ENTPD2: variants seen among roughly 807,000 people sequenced by gnomAD.
ENTPD2 encodes the protein ectonucleoside triphosphate diphosphohydrolase 2.
ENTPD2 carries 48 observed loss-of-function variants against 46.8 expected under a neutral mutation model. That is an observed-to-expected ratio of 1.03 (90% CI 0.81 to 1.30). The LOEUF (loss-of-function observed/expected upper bound fraction) is 1.30. Among genes scored for constraint, ENTPD2 ranks in the 50% most tolerant of loss-of-function variants. The pLI is 0.00. For missense variants in ENTPD2, 707 were observed against 651.1 expected, an observed-to-expected ratio of 1.09 and a Z score of -0.93; for synonymous variants, 316 against 286.1, an observed-to-expected ratio of 1.10 and a Z score of -1.06.
Position 137,048,193 on chromosome 9 carries a change from G to A in ENTPD2, c.*464C>T, listed in dbSNP as rs567331978. 14 of 162,204 alleles carry A rather than the reference G, an allele frequency of 8.6e-5. No individual in the cohort carries two copies. The highest frequency in any genetic ancestry group is 6.5e-4 in the Admixed American group (11 of 16,800). 10.0% of individuals were successfully genotyped at this position (162,204 alleles called of 1,614,324 possible). On this transcript the variant is annotated 3_prime_UTR_variant, in exon 9 of 9. Transcript: ENST00000355097. ...GTGGGCTGTGACCCTCCCCAGTACA[G>A]ACCCAGACTACACAGAAGGAGCCTC...
rs1832253555 is a variant in ENTPD2, at chr9:137,050,379, C to T, written c.934G>A (p.Asp312Asn). Residue 312 changes from aspartate to asparagine, a missense_variant, in exon 6 of 9, where the codon GAT becomes AAT. By Grantham distance (23) the Asp-to-Asn change is conservative. Transcript: ENST00000355097. ...SGSSDPHLCR[D>N]LVSGLFSFSS... The stretch of plus-strand genomic sequence containing the variant: ...AAGCTGAAGAGCCCAGAAACCAGAT[C>T]TCGGCAGAGGTGGGGGTCACTGCTC... 1 of 1,612,966 alleles carries T rather than the reference C, an allele frequency of 6.2e-7. No individual in the cohort carries two copies. The highest frequency in any genetic ancestry group is 1.3e-5 in the African/African-American group (1 of 75,000).
At chr9:137,049,342 G>A (rs1832212904) in intron 7 of ENTPD2, 6 of 685,636 alleles carry the variant, frequency 8.8e-6, no homozygotes, top group Non-Finnish European at 2.6e-6. Context: ...CAGGGAGCAG[G>A]AGGCAGCAAC....
In ENTPD2 at chr9:137,051,562, GTC is replaced by G; in HGVS notation, c.332_333del (p.Arg111ThrfsTer42). On this transcript the variant is annotated frameshift_variant, in exon 3 of 9. Transcript: ENST00000355097. LOFTEE classifies it high-confidence loss of function. ...CCCAGGTAGAGGGGTGTGCCCGCGT[GTC>G]TCTCTTTGGGCACATCCTGAAGCGC... ...EQALQDVPKE[R>X]HAGTPLYLGA... 2 of 1,612,556 alleles carry G rather than the reference GTC, an allele frequency of 1.2e-6. No homozygotes were observed. The highest frequency in any genetic ancestry group is 1.7e-6 in the Non-Finnish European group (2 of 1,179,812).
rs557002789 is a variant in ENTPD2, at chr9:137,051,737, G to A, written c.236-77C>T. Reference sequence around the variant, plus strand: ...GGCCGTAGGCCAGGAGAGTGAGGGTGGGGGTGGGGGCCGTGGGCTCCCAGA... The same window carrying A: ...GGCCGTAGGCCAGGAGAGTGAGGGTAGGGGTGGGGGCCGTGGGCTCCCAGA... On this transcript the variant is annotated intron_variant, in intron 2 of 8. Transcript: ENST00000355097. 34 of 1,483,246 alleles carry A rather than the reference G, an allele frequency of 2.3e-5. No individual in the cohort carries two copies. The African/African-American group carries it at 4.2e-4, about 18-fold the overall frequency. The allele number at this position is 1,483,246 out of a possible 1,614,324, so 91.9% of individuals were successfully genotyped here. A position where few individuals can be genotyped will look rare whatever the true frequency, so the allele number is the denominator to read the frequency against.
At chr9:137,052,380 G>T (rs773897122) in intron 1 of ENTPD2, 32 bp from the exon 2 acceptor site, 3 of 1,419,904 alleles carry the variant, frequency 2.1e-6, no homozygotes, top group Non-Finnish European at 3.0e-6. Context: ...TCAGCCTGGG[G>T]TGTCCGGGGG....
At position 137,048,426 on chromosome 9, in the gene ENTPD2, C is replaced by T. The variant is rs1832180330; in HGVS notation, c.*231G>A. 1 of 489,914 alleles carries T rather than the reference C, an allele frequency of 2.0e-6. No individual in the cohort carries two copies. The highest frequency in any genetic ancestry group is 2.6e-5 in the South Asian group (1 of 38,740). The allele number at this position is 489,914 out of a possible 1,614,324, so 30.3% of individuals were successfully genotyped here. A position where few individuals can be genotyped will look rare whatever the true frequency, so the allele number is the denominator to read the frequency against. On this transcript the variant is annotated 3_prime_UTR_variant, in exon 9 of 9. Coordinates refer to ENST00000355097, the MANE Select transcript of ENTPD2 (RefSeq NM_203468.3). ...TCCTGGGCTGCCTTAGGGGCAGAGA[C>T]GCTGAGGGTGGGGTGGAAGGATGGA...
At position 137,050,977 on chromosome 9, in the gene ENTPD2, G is replaced by T. The variant is rs761081418; in HGVS notation, c.699C>A (p.Tyr233Ter). Residue 233 changes from tyrosine (Y) to a stop codon, truncating the protein, a stop_gained, in exon 5 of 9, where the codon TAC becomes TAA. Coordinates refer to ENST00000355097, the MANE Select transcript of ENTPD2 (RefSeq NM_203468.3). LOFTEE classifies it high-confidence loss of function. ...AGAGGAAGCTGTGGGTGTAGACTCG[G>T]TAGTGCTGGCCGTAGAGATGCAGCT... ...EVQLHLYGQH[Y>*]RVYTHSFLCY... 6.2e-7 allele frequency: 1 copy of T among 1,608,716 alleles called. No individual in the cohort carries two copies. The highest frequency in any genetic ancestry group is 2.2e-5 in the East Asian group (1 of 44,732).
In ENTPD2 at chr9:137,048,937, C is replaced by A; in HGVS notation, c.1284+4G>T. 6.6e-7 allele frequency: 1 copy of A among 1,525,010 alleles called. No homozygotes were observed. Among genetic ancestry groups the A allele is most frequent in the Non-Finnish European group, 8.8e-7 (1 of 1,139,134 alleles). The allele number at this position is 1,525,010 out of a possible 1,614,324, so 94.5% of individuals were successfully genotyped here. On this transcript the variant is annotated splice_donor_region_variant and intron_variant, in intron 8 of 8. Coordinates refer to ENST00000355097, the MANE Select transcript of ENTPD2 (RefSeq NM_203468.3). ...CGGCCCCGCCCCGCCCCGCCCCAGC[C>A]CACCTTCTTCTGGAAGATCACGCCG...
intron 1 of ENTPD2, 100 bp from the exon 2 acceptor site, chr9:137,052,448 C>CG (rs1180839224): frequency 1.1e-5 from 10 of 886,966 alleles, no homozygotes; most frequent in East Asian, 1.1e-4. Context: ...CACCGCTCCC[C>CG]CCCCCACCCA....
At position 137,049,871 on chromosome 9, in the gene ENTPD2, T is replaced by C. The variant is rs1332877426; in HGVS notation, c.1148A>G (p.Gln383Arg). ...AVNVCNQTWA[Q>R]LQARVPGQRA... ...TGAAGGAGTGGGAGCGGGGCTCACCTGAGCCCAGGTCTGGTTGCAGACATT... is the reference window on the plus strand; with the variant it reads ...TGAAGGAGTGGGAGCGGGGCTCACCCGAGCCCAGGTCTGGTTGCAGACATT... The change falls in exon 7 of 9, where the codon CAG (glutamine) becomes CGG (arginine). Residue 383 changes from glutamine (Q) to arginine (R), a missense_variant and splice_region_variant. Coordinates refer to ENST00000355097, the MANE Select transcript of ENTPD2 (RefSeq NM_203468.3). The C allele has an allele frequency of 1.9e-6, 3 of 1,610,050 alleles. No individual in the cohort carries two copies. Among genetic ancestry groups the C allele is most frequent in the African/African-American group, 1.3e-5 (1 of 75,006 alleles).
Position 137,053,884 on chromosome 9 carries a change from G to C in ENTPD2, c.114C>G (p.Leu38=). Residue 38 remains leucine, a synonymous_variant, in exon 1 of 9, where the codon CTC becomes CTG. Transcript: ENST00000355097. ...PTRDVREPPA[L]KYGIVLDAGS... ...CGCTGGGTGCCCGGGCGCGCACCTTGAGGGCGGGCGGCTCCCGGACGTCGC... is the reference window on the plus strand; with the variant it reads ...CGCTGGGTGCCCGGGCGCGCACCTTCAGGGCGGGCGGCTCCCGGACGTCGC... 8.2e-7 allele frequency: 1 copy of C among 1,224,700 alleles called. No individual in the cohort carries two copies. Among genetic ancestry groups the C allele is most frequent in the African/African-American group, 1.6e-5 (1 of 64,066 alleles). The allele number at this position is 1,224,700 out of a possible 1,614,324, so 75.9% of individuals were successfully genotyped here. A position where few individuals can be genotyped will look rare whatever the true frequency, so the allele number is the denominator to read the frequency against.
chr9:137,052,290 G>A lies in ENTPD2; in HGVS notation c.176C>T (p.Pro59Leu), dbSNP rs377158813. 3.9e-5 allele frequency: 63 copies of A among 1,612,448 alleles called. No homozygotes were observed. Among genetic ancestry groups the A allele is most frequent in the African/African-American group, 2.5e-4 (19 of 74,792 alleles). ...GCCTGTGTCGTTCTCCTTGTCTGCC[G>A]GCCACTTGTAGATAAACATGGACGT... is the stretch of plus-strand genomic sequence containing the variant. ...SHTSMFIYKW[P>L]ADKENDTGIV... Residue 59 changes from proline to leucine, a missense_variant, in exon 2 of 9, where the codon CCG (proline) becomes CTG (leucine). Pro to Leu is a moderately conservative substitution (Grantham distance 98). Coordinates refer to ENST00000355097, the MANE Select transcript of ENTPD2 (RefSeq NM_203468.3).
intron 6 of ENTPD2, 29 bp from the exon 7 acceptor site, chr9:137,050,018 G>C: frequency 6.3e-7 from 1 of 1,598,852 alleles, no homozygotes; most frequent in Non-Finnish European, 8.5e-7. Flanking sequence ...CACTGTGACC[G>C]AACCCCAGCG....
intron 8 of ENTPD2, 21 bp downstream of exon 8, chr9:137,048,920 C>A: frequency 6.7e-7 from 1 of 1,497,056 alleles, no homozygotes; most frequent in Non-Finnish European, 8.9e-7. Context: ...GTCGGCCCCG[C>A]CCCGCCCCGC....
Position 137,052,218 on chromosome 9 carries a change from G to A in ENTPD2, c.235+13C>T, listed in dbSNP as rs372330901. 90 of 1,611,068 alleles carry A rather than the reference G, an allele frequency of 5.6e-5. No individual in the cohort carries two copies. The African/African-American group carries it at 1.2e-3, about 21-fold the overall frequency. On this transcript the variant is annotated intron_variant, in intron 2 of 8. Coordinates refer to ENST00000355097, the MANE Select transcript of ENTPD2 (RefSeq NM_203468.3). ...GTGAGTGGGCGTCCTGGCTGGGCTG[G>A]GCTGGGCCTCACCTGGAACATCACA...
At chr9:137,050,737 A>G (rs896635898) in intron 5 of ENTPD2, among the ~76,000 whole-genome samples, 165 bp downstream of exon 5, 18 of 152,126 alleles carry the variant, frequency 1.2e-4, no homozygotes, top group Non-Finnish European at 2.6e-4. Flanking sequence ...TCCCTTCTCC[A>G]GGCCCAGCCC....
intron 5 of ENTPD2, 35 bp from the exon 6 acceptor site, chr9:137,050,573 C>A: frequency 6.2e-7 from 1 of 1,601,584 alleles, no homozygotes; most frequent in Non-Finnish European, 8.5e-7. Context: ...GGTGGCACCA[C>A]CACCGCTCCA....
Position 137,051,257 on chromosome 9 carries a change from A to G in ENTPD2, c.500T>C (p.Val167Ala). The G allele has an allele frequency of 6.2e-7, 1 of 1,612,462 alleles. No homozygotes were observed. Among genetic ancestry groups the G allele is most frequent in the South Asian group, 1.1e-5 (1 of 91,044 alleles). The change falls in exon 4 of 9, where the codon GTG becomes GCG. Residue 167 changes from valine (V) to alanine (A), a missense_variant. By Grantham distance (64) the Val-to-Ala change is moderately conservative. Transcript: ENST00000355097. ...GTAGTTGGCAGTCACCCAGCCAAACACCCCCTCTTCCTGGCCCGAGAGGAT... is the reference window on the plus strand; with the variant it reads ...GTAGTTGGCAGTCACCCAGCCAAACGCCCCCTCTTCCTGGCCCGAGAGGAT... Reference protein sequence around the residue: ...ARILSGQEEGVFGWVTANYLL... With the variant: ...ARILSGQEEGAFGWVTANYLL...
chr9:137,050,390 TG>T lies in ENTPD2; in HGVS notation c.922del (p.His308ThrfsTer67). On this transcript the variant is annotated frameshift_variant, in exon 6 of 9. Coordinates refer to ENST00000355097, the MANE Select transcript of ENTPD2 (RefSeq NM_203468.3). LOFTEE classifies it high-confidence loss of function. ...RVSLSGSSDP[H>X]LCRDLVSGLF... is the part of the protein sequence containing the mutation. Reference sequence around the variant, plus strand: ...CCCAGAAACCAGATCTCGGCAGAGGTGGGGGTCACTGCTCCCTGACAGGCTG... The same window carrying T: ...CCCAGAAACCAGATCTCGGCAGAGGTGGGGTCACTGCTCCCTGACAGGCTG... 5 of 1,612,604 alleles carry T rather than the reference TG, an allele frequency of 3.1e-6. No homozygotes were observed. The highest frequency in any genetic ancestry group is 3.4e-6 in the Non-Finnish European group (4 of 1,179,912).
Sources: gnomAD v4.1 joint callset for allele counts (sites outside exome capture counted in the v4.1 genomes callset) on GRCh38, gnomAD v4.1.1 for gene constraint, MANE v1.5 for transcripts, NCBI Gene and HGNC (gene_info 2026-07-23, HGNC 2026-07-21) for gene names.